SLC19A1: variants seen among roughly 807,000 people sequenced by gnomAD.
SLC19A1 encodes solute carrier family 19 member 1.
A neutral mutation model predicts 35.3 loss-of-function variants in SLC19A1; 37 were observed. The observed-to-expected ratio is 1.05, with a 90% CI of 0.81 to 1.38. The LOEUF (loss-of-function observed/expected upper bound fraction) is 1.38, where lower values mean the gene tolerates loss of function less well. Among genes scored for constraint, SLC19A1 ranks in the 40% most tolerant of loss-of-function variants. SLC19A1 has a pLI of 0.00. For synonymous variants in SLC19A1, 460 were observed against 398.5 expected (o/e 1.15, Z -1.84); for missense variants, 831 against 826.9 (o/e 1.00, Z -0.06).
rs1908878838 is a variant in SLC19A1, at chr21:45,530,246, T to C, written c.1151+524A>G. On this transcript the variant is annotated intron_variant, in intron 4 of 5. Transcript: ENST00000311124. The surrounding 1 kb of genome is among the most constrained non-coding windows in gnomAD (Gnocchi z 5.3). ...GGTGTGTGTCCGTGTGTGTGGTGTG[T>C]TCATGTGCGATATATCCATGTGTGA... 6.6e-6 allele frequency among the ~76,000 whole-genome samples: 1 copy of C among 151,532 alleles called. No individual in the cohort carries two copies. Among genetic ancestry groups the C allele is most frequent in the South Asian group, 2.1e-4 (1 of 4,794 alleles).
At chr21:45,556,410 G>C (rs1357935252) in intron 1 of SLC19A1, among the ~76,000 whole-genome samples, 1 of 152,268 alleles carries the variant, frequency 6.6e-6, no homozygotes, top group Non-Finnish European at 1.5e-5. Context: ...CTCCCCCGCT[G>C]CTCCCCACCA....
rs1187978221 is a variant in SLC19A1 at position 45,505,445 on chromosome 21, C to T, written c.498-6833G>A. 5 of 1,469,374 alleles carry T rather than the reference C, an allele frequency of 3.4e-6. No individual in the cohort carries two copies. The African/African-American group carries it at 4.1e-5, about 12-fold the overall frequency. 91.0% of individuals were successfully genotyped at this position (1,469,374 alleles called of 1,614,324 possible). On this transcript the variant is annotated intron_variant, in intron 3 of 4. Coordinates refer to the SLC19A1 transcript ENST00000417954. ...GCCTCCTCAGGGGTAAGTGTCTGGG[C>T]AGCCGGCTGGGCACCTGCGTCCCGT...
At position 45,505,946 on chromosome 21, in the gene SLC19A1, A is replaced by C. The variant is rs369018715; in HGVS notation, c.498-7334T>G. ...GGAGGAGCTCTACGTCCGCGTGCAGAACGGGTTCCGGAAGGTCCAGGTGAG... is the reference window on the plus strand; with the variant it reads ...GGAGGAGCTCTACGTCCGCGTGCAGCACGGGTTCCGGAAGGTCCAGGTGAG... On this transcript the variant is annotated intron_variant, in intron 3 of 4. Transcript: ENST00000417954. The C allele has an allele frequency of 1.9e-6, 3 of 1,613,218 alleles. No individual in the cohort carries two copies. The Admixed American group carries it at 5.0e-5, about 27-fold the overall frequency.
intron 4 of SLC19A1, among the ~76,000 whole-genome samples, chr21:45,526,328 GC>G (rs1278896473): frequency 6.6e-6 from 1 of 152,234 alleles, no homozygotes; most frequent in Non-Finnish European, 1.5e-5. Flanking sequence ...ATGCATTTAT[GC>G]TCATATGCAC....
chr21:45,558,835 A>T (rs1225073520), intron 1 of SLC19A1, among the ~76,000 whole-genome samples: 8 of 145,300 alleles, frequency 5.5e-5, no homozygotes, highest in Non-Finnish European at 1.2e-4. Flanking sequence ...TTTGAGGTGG[A>T]GTCTGGCTAG....
rs546772009 is a variant in SLC19A1 at position 45,505,940 on chromosome 21, G to A, written c.498-7328C>T. 346 of 1,613,250 alleles carry A rather than the reference G, an allele frequency of 2.1e-4. 3 individuals are homozygous for A. The South Asian group carries it at 2.5e-3, about 11-fold the overall frequency. ...CGAGCAGGAGGAGCTCTACGTCCGCGTGCAGAACGGGTTCCGGAAGGTCCA... is the reference window on the plus strand; with the variant it reads ...CGAGCAGGAGGAGCTCTACGTCCGCATGCAGAACGGGTTCCGGAAGGTCCA... On this transcript the variant is annotated intron_variant, in intron 3 of 4. Coordinates refer to the SLC19A1 transcript ENST00000417954.
At chr21:45,555,501 G>A (rs1421744912) in intron 1 of SLC19A1, among the ~76,000 whole-genome samples, 1 of 136,318 alleles carries the variant, frequency 7.3e-6, no homozygotes, top group Non-Finnish European at 1.6e-5. Flanking sequence ...GGCCATGCAG[G>A]CGACGCGGGT....
intron 2 of SLC19A1, among the ~76,000 whole-genome samples, chr21:45,535,102 A>AGGGGCTGGCTGGGGAC (rs2078064573): frequency 6.6e-6 from 1 of 152,110 alleles, no homozygotes. Context: ...GGCACCCAAC[A>AGGGGCTGGCTGGGGAC]GGGGCTGGCT....
chr21:45,530,436 G>A lies in SLC19A1; in HGVS notation c.1151+334C>T, dbSNP rs1302155256. On this transcript the variant is annotated intron_variant, in intron 4 of 5. Transcript: ENST00000311124. The surrounding 1 kb of genome is among the most constrained non-coding windows in gnomAD (Gnocchi z 5.3). ...CCTGGTGTGAGTGTAAGCTGAGGAT[G>A]AACTCACACAGGTGCAAGCTCCCGC... Among the ~76,000 whole-genome samples, 2 of 152,120 alleles carry A rather than the reference G, an allele frequency of 1.3e-5. No individual in the cohort carries two copies. Among genetic ancestry groups the A allele is most frequent in the Non-Finnish European group, 2.9e-5 (2 of 68,000 alleles).
At chr21:45,562,912 A>T (rs1173226542) in exon 1 of SLC19A1, among the ~76,000 whole-genome samples, 2 of 152,242 alleles carry the variant, frequency 1.3e-5, no homozygotes, top group Admixed American at 1.3e-4. Context: ...AGCAGATTCC[A>T]ACAGTCCGTG....
chr21:45,545,471 G>A (rs1443418117), upstream of SLC19A1, among the ~76,000 whole-genome samples: 2 of 151,826 alleles, frequency 1.3e-5, no homozygotes, highest in African/African-American at 4.8e-5. Context: ...CTCACCAGGA[G>A]CAGATGCTGG....
chr21:45,504,099 C>T (rs1051073776), intron 3 of SLC19A1: 3 of 1,597,872 alleles, frequency 1.9e-6, no homozygotes, highest in Middle Eastern at 3.5e-4. Context: ...AGGTCCTGTA[C>T]ATCCCGCTGG....
At chr21:45,549,776 A>G (rs1425400888) in intron 1 of SLC19A1, among the ~76,000 whole-genome samples, 1 of 51,978 alleles carries the variant, frequency 1.9e-5, no homozygotes, top group Non-Finnish European at 3.6e-5. Flanking sequence ...GGAGGGGGAC[A>G]CTTGGCGGAT....
chr21:45,560,689 GAATGACA>G (rs2078607580), intron 1 of SLC19A1, among the ~76,000 whole-genome samples: 1 of 152,258 alleles, frequency 6.6e-6, no homozygotes. Context: ...CCAAGAAGAG[GAATGACA>G]AAGGTGAGGT....
downstream of SLC19A1, chr21:45,512,415 G>T: frequency 6.2e-7 from 1 of 1,609,540 alleles, no homozygotes. Flanking sequence ...CCTGGATGCG[G>T]ATGGCCGGAG....
In SLC19A1 at chr21:45,530,138, TGA is replaced by T. The variant is rs2077815207; in HGVS notation, c.1151+630_1151+631del. ...TCTGTGAGCGTGTGGTGTGTTCATG[TGA>T]GTGTGCATTGTGTGTCCGTGTGTGT... On this transcript the variant is annotated intron_variant, in intron 4 of 5. Coordinates refer to ENST00000311124, the MANE Select transcript of SLC19A1 (RefSeq NM_194255.4). This position sits in a 1 kb window ranked among gnomAD's most constrained non-coding sequence, Gnocchi z 5.3. Among the ~76,000 whole-genome samples, 5 of 148,238 alleles carry T rather than the reference TGA, an allele frequency of 3.4e-5. No homozygotes were observed. Among genetic ancestry groups the T allele is most frequent in the Non-Finnish European group, 6.0e-5 (4 of 67,010 alleles).
In SLC19A1 at chr21:45,530,663, G is replaced by A. The variant is rs1568997027; in HGVS notation, c.1151+107C>T. 1 of 1,229,270 alleles carries A rather than the reference G, an allele frequency of 8.1e-7. No individual in the cohort carries two copies. The highest frequency in any genetic ancestry group is 1.1e-6 in the Non-Finnish European group (1 of 885,162). 76.1% of individuals were successfully genotyped at this position (1,229,270 alleles called of 1,614,324 possible). On this transcript the variant is annotated intron_variant, in intron 4 of 5. Coordinates refer to ENST00000311124, the MANE Select transcript of SLC19A1 (RefSeq NM_194255.4). The surrounding 1 kb of genome is among the most constrained non-coding windows in gnomAD (Gnocchi z 5.3). ...CTCCAGGTGGCTGGCGGGGCCAGCA[G>A]TGGCACAGCCGCTGGGGCGCAGCAG...
chr21:45,559,667 G>A (rs1388195726), intron 1 of SLC19A1, among the ~76,000 whole-genome samples: 1 of 152,196 alleles, frequency 6.6e-6, no homozygotes. Context: ...ACCTGTGCGC[G>A]AGTTTTCTCA....
In SLC19A1 at chr21:45,534,718, T is replaced by G; in HGVS notation, c.190-2570A>C. ...CCTCCTCAACGGCCCCTACTCCCTC[T>G]TCCTCAGCCTTGGCAGGCAGACAGC... On this transcript the variant is annotated intron_variant, in intron 2 of 5. Coordinates refer to ENST00000311124, the MANE Select transcript of SLC19A1 (RefSeq NM_194255.4). The surrounding 1 kb of genome is among the most constrained non-coding windows in gnomAD (Gnocchi z 4.2). The G allele has an allele frequency of 1.2e-6, 1 of 823,322 alleles. No homozygotes were observed. Among genetic ancestry groups the G allele is most frequent in the Non-Finnish European group, 1.9e-6 (1 of 518,926 alleles). The allele number at this position is 823,322 out of a possible 1,614,324, so 51.0% of individuals were successfully genotyped here.
Sources: gnomAD v4.1 joint callset for allele counts (sites outside exome capture counted in the v4.1 genomes callset) on GRCh38, gnomAD v4.1.1 for gene constraint, Gnocchi (gnomAD v3.1) non-coding constraint, MANE v1.5 for transcripts, NCBI Gene and HGNC (gene_info 2026-07-23, HGNC 2026-07-21) for gene names.